Variants in PTPRT observed in about 807,000 individuals in gnomAD.
PTPRT encodes receptor-type tyrosine-protein phosphatase T.
A neutral mutation model predicts 176.8 loss-of-function variants in PTPRT; 56 were observed. The ratio of observed to expected loss-of-function variants is 0.32; its 90% CI spans 0.26 to 0.40. The LOEUF (loss-of-function observed/expected upper bound fraction) is 0.40. Among genes scored for constraint, PTPRT ranks in the 10% least tolerant of loss-of-function variants. PTPRT has a pLI of 1.00. For missense variants in PTPRT, 1,540 were observed against 1,908.2 expected (o/e 0.81, Z 3.60); for synonymous variants, 783 against 739.0 (o/e 1.06, Z -0.96).
intron 7 of PTPRT, among the ~76,000 whole-genome samples, chr20:42,645,569 T>C (rs1482794212): frequency 6.6e-6 from 1 of 151,832 alleles, no homozygotes; most frequent in Non-Finnish European, 1.5e-5. Flanking sequence ...ACATAACACA[T>C]GGAGAGATGG....
intron 15 of PTPRT, among the ~76,000 whole-genome samples, chr20:42,214,573 C>T (rs997696714): frequency 2.6e-5 from 4 of 152,252 alleles, no homozygotes; most frequent in South Asian, 2.1e-4. Context: ...TGGTCTTCTA[C>T]TTCCATTGCT....
chr20:42,789,856 A>G (rs1458671656), intron 3 of PTPRT, among the ~76,000 whole-genome samples: 1 of 152,210 alleles, frequency 6.6e-6, no homozygotes, highest in East Asian at 1.9e-4. Flanking sequence ...ATTAAGGTAA[A>G]CCCAACAAGC....
At chr20:42,659,850 C>T (rs1049463405) in intron 7 of PTPRT, among the ~76,000 whole-genome samples, 12 of 152,304 alleles carry the variant, frequency 7.9e-5, no homozygotes, top group Non-Finnish European at 1.8e-4. Context: ...TCCATCCCAT[C>T]GCCACCACCT....
chr20:42,622,035 C>A (rs1242170469), intron 7 of PTPRT, among the ~76,000 whole-genome samples: 1 of 152,182 alleles, frequency 6.6e-6, no homozygotes, highest in Non-Finnish European at 1.5e-5. Flanking sequence ...TTCCTTGACA[C>A]TTTGCTAACC....
At chr20:42,705,241 T>C (rs1420451282) in intron 6 of PTPRT, among the ~76,000 whole-genome samples, 1 of 152,142 alleles carries the variant, frequency 6.6e-6, no homozygotes, top group Admixed American at 6.5e-5. Context: ...CACACGTCCA[T>C]ATAAAAGGCT....
rs149755570 is a variant in PTPRT at position 42,302,017 on chromosome 20, TA to T, written c.2139+13705del. Reference sequence around the variant, plus strand: ...CAATACATATGGAGTATGTCATCAATAAAAAATTGAGACATTCAAATTTTGT... The same window carrying T: ...CAATACATATGGAGTATGTCATCAATAAAAATTGAGACATTCAAATTTTGT... On this transcript the variant is annotated intron_variant, in intron 12 of 30. Coordinates refer to ENST00000373187, the MANE Select transcript of PTPRT (RefSeq NM_007050.6). 6.0e-3 allele frequency among the ~76,000 whole-genome samples: 910 copies of T among 152,292 alleles called. 9 individuals are homozygous for T. Among genetic ancestry groups the T allele is most frequent in the African/African-American group, 0.021 (874 of 41,566 alleles).
chr20:42,731,744 C>G (rs2076464010), intron 6 of PTPRT, among the ~76,000 whole-genome samples: 1 of 152,244 alleles, frequency 6.6e-6, no homozygotes, highest in Non-Finnish European at 1.5e-5. Flanking sequence ...TGATTTGATT[C>G]CTGATTATCC....
At chr20:43,002,272 G>A (rs1984616253) in intron 1 of PTPRT, among the ~76,000 whole-genome samples, 1 of 152,124 alleles carries the variant, frequency 6.6e-6, no homozygotes, top group African/African-American at 2.4e-5. Flanking sequence ...CCACTCATAG[G>A]TAGTATTTTT....
chr20:42,132,668 A>G (rs1306996399), intron 18 of PTPRT, among the ~76,000 whole-genome samples: 3 of 152,206 alleles, frequency 2.0e-5, no homozygotes, highest in Non-Finnish European at 2.9e-5. Context: ...TGACACCACC[A>G]CAGGCTGGGG....
chr20:42,070,116 TCCTGTTCTTTTCTCC>T (rs1982260770), downstream of PTPRT, among the ~76,000 whole-genome samples: 2 of 152,214 alleles, frequency 1.3e-5, no homozygotes, highest in African/African-American at 4.8e-5. Context: ...CTGCTTCTAT[TCCTGTTCTTTTCTCC>T]TTGCCACCCC....
At chr20:42,126,038 G>A (rs1987841600) in intron 19 of PTPRT, among the ~76,000 whole-genome samples, 1 of 147,142 alleles carries the variant, frequency 6.8e-6, no homozygotes, top group Admixed American at 6.8e-5. Context: ...GGGGGGGGAG[G>A]GGAAGGAGAA....
In PTPRT at chr20:42,716,996, T is replaced by C. The variant is rs1432982212; in HGVS notation, c.860-38837A>G. On this transcript the variant is annotated intron_variant, in intron 6 of 30. Transcript: ENST00000373187. ...GTGGGAATTGAACAATAAGAACACA[T>C]GGACACAGGAAGGGGAACATCACAC... Among the ~76,000 whole-genome samples, 21 of 120,102 alleles carry C rather than the reference T, an allele frequency of 1.7e-4. No homozygotes were observed. In the Admixed American group the frequency reaches 2.2e-3, roughly 13 times the overall value. 78.8% of individuals were successfully genotyped at this position (120,102 alleles called of 152,430 possible). A position where few individuals can be genotyped will look rare whatever the true frequency, so the allele number is the denominator to read the frequency against.
intron 1 of PTPRT, among the ~76,000 whole-genome samples, chr20:43,163,653 C>CA (rs760611787): frequency 0.024 from 3,513 of 146,626 alleles, 140 homozygotes; most frequent in African/African-American, 0.082. Context: ...CAAAACAAAA[C>CA]AAAAAAAAAA....
chr20:42,768,685 A>C (rs755974683), intron 5 of PTPRT, among the ~76,000 whole-genome samples: 19 of 152,108 alleles, frequency 1.2e-4, no homozygotes, highest in Admixed American at 1.2e-3. Flanking sequence ...TTCTCCTTCT[A>C]TCTGGTGTTG....
At position 42,484,098 on chromosome 20, in the gene PTPRT, G is replaced by T. The variant is rs367772325; in HGVS notation, c.1154-11536C>A. On this transcript the variant is annotated intron_variant, in intron 7 of 30. Transcript: ENST00000373187. ...CTGGCAGTAGCTGCTCCCCACAGTT[G>T]CCACCTTTGTCTAGTGTTTTCATGT... is the stretch of plus-strand genomic sequence containing the variant. 3.9e-5 allele frequency among the ~76,000 whole-genome samples: 6 copies of T among 152,264 alleles called. No homozygotes were observed. In the South Asian group the frequency reaches 6.2e-4, roughly 16 times the overall value.
At chr20:42,637,687 T>C (rs1329370758) in intron 7 of PTPRT, among the ~76,000 whole-genome samples, 1 of 152,128 alleles carries the variant, frequency 6.6e-6, no homozygotes, top group Non-Finnish European at 1.5e-5. Context: ...TCAGCTCCTC[T>C]AAGAACAGGG....
chr20:42,355,291 C>T (rs2058343427), intron 9 of PTPRT, among the ~76,000 whole-genome samples: 1 of 152,222 alleles, frequency 6.6e-6, no homozygotes, highest in African/African-American at 2.4e-5. Context: ...GGTTTGAAAA[C>T]ACAGTGATGA....
At chr20:43,161,127 T>A (rs1297328427) in intron 1 of PTPRT, among the ~76,000 whole-genome samples, 1 of 152,172 alleles carries the variant, frequency 6.6e-6, no homozygotes, top group African/African-American at 2.4e-5. Context: ...GGGCCAGCTG[T>A]CTGTTTTTGT....
intron 1 of PTPRT, among the ~76,000 whole-genome samples, chr20:43,060,152 T>C (rs1168187979): frequency 6.6e-6 from 1 of 152,132 alleles, no homozygotes; most frequent in Non-Finnish European, 1.5e-5. Context: ...AGCACCCCCA[T>C]TTCTCGGTAC....
Sources: gnomAD v4.1 joint callset for allele counts (sites outside exome capture counted in the v4.1 genomes callset) on GRCh38, gnomAD v4.1.1 for gene constraint, MANE v1.5 for transcripts, NCBI Gene and HGNC (gene_info 2026-07-23, HGNC 2026-07-21) for gene names.